VCL: variants seen among roughly 807,000 people sequenced by gnomAD.
VCL encodes vinculin, also known as epididymis luminal protein 114.
In VCL, 47 loss-of-function variants were observed where a neutral mutation model predicts 125.7. The observed-to-expected ratio is 0.37, with a 90% CI of 0.30 to 0.48. The LOEUF (loss-of-function observed/expected upper bound fraction) is 0.48. VCL is among the 20% of genes least tolerant of loss of function. The probability of loss-of-function intolerance (pLI) is 0.99; values close to 1 mark genes in which losing one functional copy is unlikely to be tolerated. For missense variants in VCL, 1,069 were observed against 1,455.5 expected (o/e 0.73, Z 4.32); for synonymous variants, 458 against 514.6 (o/e 0.89, Z 1.49).
chr10:74,007,512 T>A lies in VCL; in HGVS notation c.168+9137T>A, dbSNP rs117043191. 9.3e-4 allele frequency among the ~76,000 whole-genome samples: 141 copies of A among 152,314 alleles called. 3 individuals carry two copies. In the East Asian group the frequency reaches 0.025, roughly 27 times the overall value. On this transcript the variant is annotated intron_variant, in intron 1 of 21. Transcript: ENST00000211998. The stretch of plus-strand genomic sequence containing the variant: ...TTATAGGTATGCAATATACTTTTTT[T>A]TGAGACGGAGTTTCGCTCTGTTGCT...
chr10:74,009,231 G>GC (rs1565632058), intron 1 of VCL, among the ~76,000 whole-genome samples: 1 of 27,220 alleles, frequency 3.7e-5, no homozygotes, highest in African/African-American at 1.7e-4. Flanking sequence ...CCCCCCCCCC[G>GC]AGCCATTTTA....
intron 18 of VCL, among the ~76,000 whole-genome samples, chr10:74,110,148 C>T (rs1840198317): frequency 6.6e-6 from 1 of 152,114 alleles, no homozygotes; most frequent in African/African-American, 2.4e-5. Context: ...TTGGACCTGA[C>T]CTGTAGAATT....
At chr10:74,032,240 T>TAAAAAAAAAAAA (rs770412004) in intron 1 of VCL, among the ~76,000 whole-genome samples, 1 of 75,992 alleles carries the variant, frequency 1.3e-5, no homozygotes, top group Non-Finnish European at 2.8e-5. Flanking sequence ...TGTTTCAGAA[T>TAAAAAAAAAAAA]AAAAAAAAAA....
At chr10:74,039,238 G>A (rs986802247) in intron 1 of VCL, among the ~76,000 whole-genome samples, 8 of 151,918 alleles carry the variant, frequency 5.3e-5, no homozygotes, top group Admixed American at 1.3e-4. Context: ...CTTTACCTCA[G>A]TCTAGTCTTC....
chr10:74,024,723 A>T (rs961032250), intron 1 of VCL, among the ~76,000 whole-genome samples: 2 of 152,236 alleles, frequency 1.3e-5, no homozygotes, highest in African/African-American at 4.8e-5. Flanking sequence ...TCAATTTTAA[A>T]AGTTACTTAA....
intron 1 of VCL, among the ~76,000 whole-genome samples, chr10:74,000,709 G>A (rs1840210766): frequency 6.6e-6 from 1 of 152,136 alleles, no homozygotes; most frequent in African/African-American, 2.4e-5. Flanking sequence ...CACTGTGCCC[G>A]GCCAGGCCTT....
At chr10:74,065,499 G>A (rs961859071) in intron 2 of VCL, among the ~76,000 whole-genome samples, 3 of 151,974 alleles carry the variant, frequency 2.0e-5, no homozygotes, top group African/African-American at 4.8e-5. Context: ...CGACCAGCCT[G>A]TGCAACATGG....
chr10:74,114,668 G>C lies in VCL; in HGVS notation c.3154-127G>C, dbSNP rs1840284964. On this transcript the variant is annotated intron_variant, in intron 20 of 21. Transcript: ENST00000211998. ...TAGGGGAAAAAACAAGTGGAATTCTGCTGCTTATTTATCGAGTGCCTTTTC... is the reference window on the plus strand; with the variant it reads ...TAGGGGAAAAAACAAGTGGAATTCTCCTGCTTATTTATCGAGTGCCTTTTC... The C allele has an allele frequency of 2.8e-6, 3 of 1,053,872 alleles. No individual in the cohort carries two copies. The South Asian group carries it at 4.1e-5, about 14-fold the overall frequency. The allele number at this position is 1,053,872 out of a possible 1,614,324, so 65.3% of individuals were successfully genotyped here. A position where few individuals can be genotyped will look rare whatever the true frequency, so the allele number is the denominator to read the frequency against.
intron 2 of VCL, chr10:74,063,732 C>A (rs552337881): frequency 2.6e-5 from 4 of 152,310 alleles, no homozygotes; most frequent in African/African-American, 9.6e-5. Flanking sequence ...GACAAGTCCG[C>A]TGATCCCAGA....
At chr10:74,003,153 A>G (rs574801158) in intron 1 of VCL, among the ~76,000 whole-genome samples, 1 of 151,664 alleles carries the variant, frequency 6.6e-6, no homozygotes, top group South Asian at 2.1e-4. Flanking sequence ...GCTCACTGCA[A>G]CTTCTGCCTC....
intron 13 of VCL, among the ~76,000 whole-genome samples, chr10:74,098,680 C>T (rs927040353): frequency 6.6e-6 from 1 of 152,190 alleles, no homozygotes; most frequent in Non-Finnish European, 1.5e-5. Context: ...GGGTTTGGGT[C>T]AGGTACCCAA....
intron 1 of VCL, among the ~76,000 whole-genome samples, chr10:74,040,357 T>C (rs1468294805): frequency 1.3e-5 from 2 of 152,228 alleles, no homozygotes; most frequent in Non-Finnish European, 2.9e-5. Flanking sequence ...AATAACTTAC[T>C]ATTTTCTAAA....
intron 1 of VCL, among the ~76,000 whole-genome samples, chr10:74,030,130 C>T (rs1040118398): frequency 6.6e-6 from 1 of 152,100 alleles, no homozygotes; most frequent in Admixed American, 6.6e-5. Flanking sequence ...CCTTAGGAGC[C>T]AAATAGGCAA....
rs1418686010 is a variant in VCL at position 74,095,653 on chromosome 10, C to T, written c.1544-3C>T. ...AAGTTTCATTGTTTTTCTCTTGGTCCAGGTCAGGCTGCCATCCGGGGGCTT... is the reference window on the plus strand; with the variant it reads ...AAGTTTCATTGTTTTTCTCTTGGTCTAGGTCAGGCTGCCATCCGGGGGCTT... On this transcript the variant is annotated splice_region_variant and splice_polypyrimidine_tract_variant and intron_variant, in intron 11 of 21. Coordinates refer to ENST00000211998, the MANE Select transcript of VCL (RefSeq NM_014000.3). 1 of 1,613,558 alleles carries T rather than the reference C, an allele frequency of 6.2e-7. No individual in the cohort carries two copies. Among genetic ancestry groups the T allele is most frequent in the Non-Finnish European group, 8.5e-7 (1 of 1,180,040 alleles).
intron 1 of VCL, among the ~76,000 whole-genome samples, chr10:73,999,392 C>A (rs1166999579): frequency 6.6e-6 from 1 of 152,152 alleles, no homozygotes; most frequent in Non-Finnish European, 1.5e-5. Flanking sequence ...GTGGAGCCCA[C>A]GTCTGAAATG....
intron 2 of VCL, among the ~76,000 whole-genome samples, chr10:74,048,952 C>T (rs1841245467): frequency 6.6e-6 from 1 of 151,928 alleles, no homozygotes; most frequent in Non-Finnish European, 1.5e-5. Context: ...ACTAAAAATA[C>T]AAAAAATTAG....
chr10:74,084,418 A>G (rs1839734290), intron 8 of VCL, among the ~76,000 whole-genome samples: 1 of 151,352 alleles, frequency 6.6e-6, no homozygotes, highest in Non-Finnish European at 1.5e-5. Context: ...TAACCTCCCA[A>G]GTAGCTGGGA....
At chr10:74,089,106 C>T in intron 8 of VCL, 90 bp from the exon 9 acceptor site, 3 of 1,574,096 alleles carry the variant, frequency 1.9e-6, no homozygotes, top group South Asian at 2.3e-5. Context: ...CAAGCATGTT[C>T]ATGAAAACCA....
At chr10:74,044,092 CAG>C (rs1366990390) in intron 2 of VCL, among the ~76,000 whole-genome samples, 1 of 151,356 alleles carries the variant, frequency 6.6e-6, no homozygotes, top group African/African-American at 2.4e-5. Flanking sequence ...GTCTGGGTGA[CAG>C]AGCGGGACTC....
Sources: gnomAD v4.1 joint callset for allele counts (sites outside exome capture counted in the v4.1 genomes callset) on GRCh38, gnomAD v4.1.1 for gene constraint, MANE v1.5 for transcripts, NCBI Gene and HGNC (gene_info 2026-07-23, HGNC 2026-07-21) for gene names.